The following ANKS1B variants were observed in gnomAD, a reference collection of about 807,000 sequenced individuals.
ANKS1B encodes the protein ankyrin repeat and sterile alpha motif domain-containing protein 1B.
A neutral mutation model predicts 148.3 loss-of-function variants in ANKS1B; 36 were observed. The observed-to-expected ratio is 0.24, with a 90% CI of 0.19 to 0.32. The LOEUF is 0.32. ANKS1B is among the 10% of genes least tolerant of loss of function. ANKS1B has a pLI of 1.00. For synonymous variants in ANKS1B, 542 were observed against 560.8 expected (o/e 0.97, Z 0.47); for missense variants, 1,157 against 1,542.6 (o/e 0.75, Z 4.19).
chr12:98,777,320 A>T (rs902068860), intron 24 of ANKS1B, among the ~76,000 whole-genome samples: 3 of 152,250 alleles, frequency 2.0e-5, no homozygotes, highest in Non-Finnish European at 2.9e-5. Flanking sequence ...AAAAATTTTT[A>T]AAAACTCAAA....
rs575928257 is a variant in ANKS1B at position 98,900,129 on chromosome 12, T to C, written c.2779-67993A>G. 2.6e-5 allele frequency among the ~76,000 whole-genome samples: 4 copies of C among 152,332 alleles called. No homozygotes were observed. In the South Asian group the frequency reaches 8.3e-4, roughly 32 times the overall value. On this transcript the variant is annotated intron_variant, in intron 17 of 26. Coordinates refer to ENST00000683438, the MANE Select transcript of ANKS1B (RefSeq NM_001352186.2). Reference sequence around the variant, plus strand: ...TTACTGTTTTCTCAACAGATCCATATAGATGTAGCACCTGAAACTAGACAC... The same window carrying C: ...TTACTGTTTTCTCAACAGATCCATACAGATGTAGCACCTGAAACTAGACAC...
chr12:98,882,718 T>C (rs940324552), intron 17 of ANKS1B, among the ~76,000 whole-genome samples: 2 of 151,802 alleles, frequency 1.3e-5, no homozygotes, highest in African/African-American at 4.8e-5. Flanking sequence ...ATCTCTGCCT[T>C]GTTACCTAGC....
At chr12:99,101,487 T>C (rs1226261225) in intron 15 of ANKS1B, among the ~76,000 whole-genome samples, 2 of 152,210 alleles carry the variant, frequency 1.3e-5, no homozygotes, top group African/African-American at 4.8e-5. Context: ...TCAGCGCTCT[T>C]GTTTGGGTAA....
rs557644415 is a variant in ANKS1B at position 99,284,459 on chromosome 12, C to A, written c.1757-37595G>T. On this transcript the variant is annotated intron_variant, in intron 12 of 26. Transcript: ENST00000683438. The stretch of plus-strand genomic sequence containing the variant: ...TAACAGTGCTTTACAAATAATATTC[C>A]AAATTATAAGTCCCTAAAATTATCC... 8.8e-4 allele frequency among the ~76,000 whole-genome samples: 134 copies of A among 152,268 alleles called. 1 individual carries two copies. Among genetic ancestry groups the A allele is most frequent in the African/African-American group, 3.2e-3 (134 of 41,556 alleles).
intron 9 of ANKS1B, among the ~76,000 whole-genome samples, chr12:99,612,435 T>C (rs1162780742): frequency 1.3e-5 from 2 of 152,098 alleles, no homozygotes; most frequent in South Asian, 2.1e-4. Context: ...TACTATTATC[T>C]CCACTTAACA....
chr12:99,851,443 T>G (rs2087824971), intron 1 of ANKS1B, among the ~76,000 whole-genome samples: 1 of 152,128 alleles, frequency 6.6e-6, no homozygotes, highest in Non-Finnish European at 1.5e-5. Flanking sequence ...TTACAAGTAT[T>G]AATATGTCTA....
intron 17 of ANKS1B, among the ~76,000 whole-genome samples, chr12:98,897,833 G>A (rs533652732): frequency 1.1e-4 from 17 of 152,204 alleles, no homozygotes; most frequent in Non-Finnish European, 2.2e-4. Context: ...ATCAGTGAAT[G>A]CTTGGGTAAA....
At chr12:99,109,941 C>A (rs2059965658) in intron 15 of ANKS1B, among the ~76,000 whole-genome samples, 1 of 152,166 alleles carries the variant, frequency 6.6e-6, no homozygotes, top group African/African-American at 2.4e-5. Flanking sequence ...GAGAAGGTAA[C>A]CGTGGCCAAA....
At chr12:99,293,195 T>C (rs1477777476) in intron 12 of ANKS1B, among the ~76,000 whole-genome samples, 4 of 152,186 alleles carry the variant, frequency 2.6e-5, no homozygotes, top group Admixed American at 2.0e-4. Context: ...GTTCATGTCC[T>C]TTGCAGGGAC....
intron 9 of ANKS1B, among the ~76,000 whole-genome samples, chr12:99,638,385 C>A (rs2098265114): frequency 6.6e-6 from 1 of 152,126 alleles, no homozygotes; most frequent in Non-Finnish European, 1.5e-5. Context: ...CAATGAAGTC[C>A]AGGCTGAGGT....
At chr12:99,496,176 G>C (rs1267435713) in intron 10 of ANKS1B, among the ~76,000 whole-genome samples, 2 of 152,164 alleles carry the variant, frequency 1.3e-5, no homozygotes, top group African/African-American at 4.8e-5. Flanking sequence ...GGCATCCATA[G>C]TATACAAAGC....
intron 14 of ANKS1B, among the ~76,000 whole-genome samples, chr12:99,209,249 T>C (rs1458741954): frequency 6.6e-6 from 1 of 152,214 alleles, no homozygotes; most frequent in African/African-American, 2.4e-5. Flanking sequence ...CTACTTTTTC[T>C]GCATTTATGT....
intron 10 of ANKS1B, among the ~76,000 whole-genome samples, chr12:99,464,800 C>T (rs2096066635): frequency 6.6e-6 from 1 of 152,076 alleles, no homozygotes; most frequent in Admixed American, 6.6e-5. Flanking sequence ...TGTGAAAAGA[C>T]CAAATCTACG....
At chr12:99,011,158 C>T (rs1271913782) in intron 17 of ANKS1B, among the ~76,000 whole-genome samples, 1 of 152,084 alleles carries the variant, frequency 6.6e-6, no homozygotes, top group African/African-American at 2.4e-5. Context: ...ACTTTTAATC[C>T]AGATACCTTG....
Position 99,361,993 on chromosome 12 carries a change from T to C in ANKS1B, c.1756+37638A>G, listed in dbSNP as rs556483692. 9.1e-4 allele frequency among the ~76,000 whole-genome samples: 105 copies of C among 114,914 alleles called. 2 individuals carry two copies. The South Asian group carries it at 0.024, about 26-fold the overall frequency. The allele number at this position is 114,914 out of a possible 152,430, so 75.4% of individuals were successfully genotyped here. Reference sequence around the variant, plus strand: ...AAAGTGAAGCAAAACATATATGCCATGTAGGAAGATAATTATACATTTTAA... The same window carrying C: ...AAAGTGAAGCAAAACATATATGCCACGTAGGAAGATAATTATACATTTTAA... On this transcript the variant is annotated intron_variant, in intron 12 of 26. Coordinates refer to ENST00000683438, the MANE Select transcript of ANKS1B (RefSeq NM_001352186.2).
intron 20 of ANKS1B, among the ~76,000 whole-genome samples, chr12:98,803,664 G>A (rs1447551914): frequency 6.6e-6 from 1 of 152,214 alleles, no homozygotes; most frequent in Non-Finnish European, 1.5e-5. Flanking sequence ...AACACGGCAT[G>A]AGCTGGTGGT....
intron 12 of ANKS1B, among the ~76,000 whole-genome samples, chr12:99,349,560 C>T (rs772879596): frequency 2.6e-5 from 4 of 151,766 alleles, no homozygotes; most frequent in African/African-American, 4.8e-5. Flanking sequence ...TGTACTAAGT[C>T]AAAAGTTGTT....
chr12:99,667,370 AAAG>A (rs1022695957), intron 8 of ANKS1B, among the ~76,000 whole-genome samples: 1 of 151,970 alleles, frequency 6.6e-6, no homozygotes, highest in Non-Finnish European at 1.5e-5. Context: ...AAAGAAAAGA[AAAG>A]AAAAGAAAAC....
intron 1 of ANKS1B, among the ~76,000 whole-genome samples, chr12:99,842,904 A>G (rs2153698872): frequency 6.6e-6 from 1 of 152,296 alleles, no homozygotes; most frequent in South Asian, 2.1e-4. Context: ...AATTCAAACC[A>G]TCAATAACTA....
Sources: allele counts gnomAD v4.1 joint callset (sites outside exome capture counted in the v4.1 genomes callset), GRCh38; gene constraint gnomAD v4.1.1; transcripts MANE v1.5; gene names NCBI Gene and HGNC (gene_info 2026-07-23, HGNC 2026-07-21).